Variants in RP1L1 observed in about 807,000 individuals in gnomAD.
RP1L1 encodes retinitis pigmentosa 1-like 1 protein.
RP1L1 carries 27 observed loss-of-function variants against 15.7 expected under a neutral mutation model. The ratio of observed to expected loss-of-function variants is 1.72; its 90% CI spans 1.27 to 2.38. RP1L1 has a LOEUF of 2.38. Ranked by LOEUF, RP1L1 falls within the 30% of genes most tolerant of loss-of-function variation. RP1L1 has a pLI of 0.00. For missense variants in RP1L1, 4,798 were observed against 3,075.9 expected (o/e 1.56, Z -13.24); for synonymous variants, 1,813 against 1,276.7 (o/e 1.42, Z -8.96).
chr8:10,638,228 A>G (rs1038329531), intron 1 of RP1L1, among the ~76,000 whole-genome samples: 1 of 152,256 alleles, frequency 6.6e-6, no homozygotes, highest in Non-Finnish European at 1.5e-5. Flanking sequence ...TGAAACATAC[A>G]TTCAAACGTA....
At chr8:10,621,754 A>G in intron 2 of RP1L1, 1 of 509,246 alleles carries the variant, frequency 2.0e-6, no homozygotes, top group Non-Finnish European at 3.9e-6. Flanking sequence ...CTTTGGTGGA[A>G]TTTCATGTCC....
chr8:10,640,623 A>G (rs1360682792), intron 1 of RP1L1, among the ~76,000 whole-genome samples: 6 of 151,836 alleles, frequency 4.0e-5, no homozygotes, highest in African/African-American at 1.5e-4. Flanking sequence ...ACTGCACTCC[A>G]GCCTAGGTGA....
intron 1 of RP1L1, among the ~76,000 whole-genome samples, chr8:10,628,896 A>G (rs748739373): frequency 3.9e-5 from 6 of 152,214 alleles, no homozygotes; most frequent in Non-Finnish European, 7.3e-5. Context: ...CAGGCCACTC[A>G]TCAGTAAGGG....
At chr8:10,654,519 C>A (rs1032181402) in intron 1 of RP1L1, among the ~76,000 whole-genome samples, 8 of 152,144 alleles carry the variant, frequency 5.3e-5, no homozygotes, top group Non-Finnish European at 1.2e-4. Context: ...GGCAGCTGCC[C>A]ACCTCTCCCT....
At chr8:10,653,413 G>A (rs1218907315) in intron 1 of RP1L1, among the ~76,000 whole-genome samples, 1 of 151,872 alleles carries the variant, frequency 6.6e-6, no homozygotes, top group Non-Finnish European at 1.5e-5. Flanking sequence ...TACACTTCGT[G>A]ACTGCAGGTC....
chr8:10,638,493 C>T (rs1320571239), intron 1 of RP1L1, among the ~76,000 whole-genome samples: 1 of 152,098 alleles, frequency 6.6e-6, no homozygotes, highest in African/African-American at 2.4e-5. Flanking sequence ...TTTGAAGTCC[C>T]AGCTACTCTG....
rs2117199953 is a variant in RP1L1 at position 10,610,567 on chromosome 8, C to G, written c.3531G>C (p.Trp1177Cys). The G allele has an allele frequency of 1.2e-6, 2 of 1,613,672 alleles. No homozygotes were observed. Among genetic ancestry groups the G allele is most frequent in the Non-Finnish European group, 1.7e-6 (2 of 1,180,026 alleles). ...ACCCAAGGTCTGGCAGAGCCTGGCT[C>G]CATGTGAGCTCCCAGAGGCCTGAGT... is the stretch of plus-strand genomic sequence containing the variant. ...QLDSGLWELT[W>C]SQALPDLGSH... Residue 1177 changes from tryptophan (W) to cysteine (C), a missense_variant, in exon 4 of 4, where the codon TGG (tryptophan) becomes TGC (cysteine). Coordinates refer to ENST00000382483, the MANE Select transcript of RP1L1 (RefSeq NM_178857.6).
chr8:10,642,359 T>C (rs996574659), intron 1 of RP1L1, among the ~76,000 whole-genome samples: 7 of 152,220 alleles, frequency 4.6e-5, no homozygotes, highest in African/African-American at 1.7e-4. Context: ...CCAATAATTA[T>C]TAACCGGACG....
Position 10,612,176 on chromosome 8 carries a change from T to C in RP1L1, c.1922A>G (p.His641Arg), listed in dbSNP as rs1414445801. ...GGACATTGCACTGGCCCGGCTTCTG[T>C]GCCTTCTCTGCCCCTGCTGGGATGA... ...CTSSQQGQRRHRSRASAMSSP... is the reference protein window; with the variant it reads ...CTSSQQGQRRRRSRASAMSSP... Residue 641 changes from histidine to arginine, a missense_variant, in exon 4 of 4, where the codon CAC becomes CGC. Physicochemically the swap from His to Arg is conservative, Grantham distance 29. Coordinates refer to ENST00000382483, the MANE Select transcript of RP1L1 (RefSeq NM_178857.6). 7 of 1,613,208 alleles carry C rather than the reference T, an allele frequency of 4.3e-6. No homozygotes were observed. Among genetic ancestry groups the C allele is most frequent in the Admixed American group, 3.3e-5 (2 of 60,006 alleles).
intron 1 of RP1L1, among the ~76,000 whole-genome samples, chr8:10,653,142 T>C (rs1798587037): frequency 6.6e-6 from 1 of 152,178 alleles, no homozygotes; most frequent in African/African-American, 2.4e-5. Flanking sequence ...ATGACATACT[T>C]ATTCAATGAC....
chr8:10,638,778 G>A (rs954265305), intron 1 of RP1L1, among the ~76,000 whole-genome samples: 2 of 152,110 alleles, frequency 1.3e-5, no homozygotes, highest in African/African-American at 4.8e-5. Context: ...AAACCCATTT[G>A]CTGCCCAGTG....
intron 3 of RP1L1, among the ~76,000 whole-genome samples, chr8:10,616,178 G>C (rs1057292630): frequency 3.3e-5 from 5 of 152,118 alleles, no homozygotes; most frequent in African/African-American, 1.2e-4. Context: ...CAAACGGCTG[G>C]AATTACAGAC....
rs370506271 is a variant in RP1L1, at chr8:10,610,752, C to G, written c.3346G>C (p.Gly1116Arg). Residue 1116 changes from glycine (G) to arginine (R), a missense_variant, in exon 4 of 4, where the codon GGG becomes CGG. Gly to Arg is a moderately radical substitution (Grantham distance 125, BLOSUM62 -2). Transcript: ENST00000382483. ...CTGGCCAGACAAGTAATGAGGGCCC[C>G]GGCTGAGCAGCTGAGCCTCCTGGCC... ...PMARRLSCSA[G>R]ALITCLASLQ... is the part of the protein sequence containing the mutation. 5.6e-6 allele frequency: 9 copies of G among 1,613,296 alleles called. No individual in the cohort carries two copies. In the Admixed American group the frequency reaches 6.7e-5, roughly 12 times the overall value.
Position 10,608,892 on chromosome 8 carries a change from G to T in RP1L1, c.5206C>A (p.Gln1736Lys), listed in dbSNP as rs753101871. ...TCACCCTCGTCCACTCCAGGCCCCT[G>T]GCTCAGCCCCGGCCCCAGCCCTCCC... The part of the protein sequence containing the change: ...AEGGLGPGLS[Q>K]GPGVDEGEDG... Residue 1736 changes from glutamine to lysine, a missense_variant, in exon 4 of 4, where the codon CAG becomes AAG. Gln to Lys is a moderately conservative substitution (Grantham distance 53). Transcript: ENST00000382483. The T allele has an allele frequency of 6.2e-7, 1 of 1,614,004 alleles. No homozygotes were observed. The highest frequency in any genetic ancestry group is 1.3e-5 in the African/African-American group (1 of 75,034).
intron 1 of RP1L1, among the ~76,000 whole-genome samples, chr8:10,643,537 C>T (rs1798435931): frequency 6.6e-6 from 1 of 152,122 alleles, no homozygotes; most frequent in African/African-American, 2.4e-5. Flanking sequence ...GATACACTCT[C>T]AGCTTCTCAG....
rs1281223142 is a variant in RP1L1 at position 10,611,331 on chromosome 8, A to G, written c.2767T>C (p.Ser923Pro). 1.2e-6 allele frequency: 2 copies of G among 1,612,180 alleles called. No homozygotes were observed. The highest frequency in any genetic ancestry group is 1.1e-5 in the South Asian group (1 of 91,054). Reference sequence around the variant, plus strand: ...CCACTCCTCAAGGTCTTCTCCTCGGACAGCCCCCGAGACCCCGCACCCTGG... The same window carrying G: ...CCACTCCTCAAGGTCTTCTCCTCGGGCAGCCCCCGAGACCCCGCACCCTGG... ...ASQGAGSRGL[S>P]EEKTLRSGGG... Residue 923 changes from serine to proline, a missense_variant, in exon 4 of 4, where the codon TCC (serine) becomes CCC (proline). Physicochemically the swap from Ser to Pro is moderately conservative, Grantham distance 74. Transcript: ENST00000382483.
intron 1 of RP1L1, among the ~76,000 whole-genome samples, chr8:10,625,834 C>T (rs1011175170): frequency 6.6e-6 from 1 of 152,028 alleles, no homozygotes; most frequent in African/African-American, 2.4e-5. Context: ...GATTAGGCCC[C>T]AGCAAACCCC....
intron 1 of RP1L1, among the ~76,000 whole-genome samples, chr8:10,647,314 G>T (rs1325628409): frequency 6.6e-6 from 1 of 152,194 alleles, no homozygotes; most frequent in Non-Finnish European, 1.5e-5. Flanking sequence ...TCTACTGTTT[G>T]TGTTTTTATT....
Position 10,622,830 on chromosome 8 carries a change from G to T in RP1L1, c.372C>A (p.Pro124=). ...SGPGRPQERN[P]TAQQLRDVEG... ...CGACATCCCGCAACTGCTGAGCAGT[G>T]GGGTTTCTCTCCTGTGGCCGGCCTG... is the stretch of plus-strand genomic sequence containing the variant. Residue 124 remains proline (P), a synonymous_variant, in exon 2 of 4, where the codon CCC becomes CCA. Coordinates refer to ENST00000382483, the MANE Select transcript of RP1L1 (RefSeq NM_178857.6). 3 of 1,613,446 alleles carry T rather than the reference G, an allele frequency of 1.9e-6. No individual in the cohort carries two copies. The highest frequency in any genetic ancestry group is 2.5e-6 in the Non-Finnish European group (3 of 1,179,544).
Sources: allele counts gnomAD v4.1 joint callset (sites outside exome capture counted in the v4.1 genomes callset), GRCh38; gene constraint gnomAD v4.1.1; transcripts MANE v1.5; gene names NCBI Gene and HGNC (gene_info 2026-07-23, HGNC 2026-07-21).